The following CLMP variants were observed in gnomAD, a reference collection of about 807,000 sequenced individuals.
The protein encoded by CLMP is CXADR-like membrane protein.
Under a neutral mutation model 45.2 loss-of-function variants are expected in CLMP, and 27 were observed. The ratio of observed to expected loss-of-function variants is 0.60; its 90% confidence interval spans 0.44 to 0.82. CLMP has a LOEUF of 0.82. Among genes scored for constraint, CLMP ranks in the 40% least tolerant of loss-of-function variants. The probability of loss-of-function intolerance (pLI) is 0.00; values close to 1 mark genes in which losing one functional copy is unlikely to be tolerated. For missense variants in CLMP, 403 were observed against 448.4 expected, an observed-to-expected ratio of 0.90 and a Z score of 0.91; for synonymous variants, 167 against 171.4, an observed-to-expected ratio of 0.97 and a Z score of 0.20.
intron 5 of CLMP, among the ~76,000 whole-genome samples, chr11:123,075,533 C>CTT (rs1452182860): frequency 6.6e-6 from 1 of 150,884 alleles, no homozygotes; most frequent in Admixed American, 6.6e-5. Flanking sequence ...ACTACAGACG[C>CTT]CCGCCACCAC....
chr11:123,115,793 A>C (rs971180856), intron 1 of CLMP, among the ~76,000 whole-genome samples: 1 of 152,106 alleles, frequency 6.6e-6, no homozygotes, highest in Non-Finnish European at 1.5e-5. Flanking sequence ...TATATTTTAT[A>C]TTATCTATTG....
intron 1 of CLMP, among the ~76,000 whole-genome samples, chr11:123,122,997 T>C (rs1860838751): frequency 6.6e-6 from 1 of 152,122 alleles, no homozygotes; most frequent in Admixed American, 6.6e-5. Flanking sequence ...AATAACTCGT[T>C]CTTGCACCCT....
intron 5 of CLMP, among the ~76,000 whole-genome samples, 171 bp downstream of exon 5, chr11:123,082,914 T>C (rs1865822498): frequency 1.3e-5 from 2 of 152,128 alleles, no homozygotes; most frequent in Non-Finnish European, 2.9e-5. Flanking sequence ...GCCAGTCAAT[T>C]GTTGAGTGGT....
At chr11:123,163,382 A>G (rs1323439814) in intron 1 of CLMP, among the ~76,000 whole-genome samples, 1 of 152,212 alleles carries the variant, frequency 6.6e-6, no homozygotes, top group Admixed American at 6.5e-5. Context: ...GGCTACAGGT[A>G]GGGAGACCAT....
chr11:123,175,022 C>T (rs35483681), intron 1 of CLMP, among the ~76,000 whole-genome samples: 63,998 of 152,020 alleles, frequency 0.42, 16,559 homozygotes, highest in East Asian at 0.59. Flanking sequence ...GATGCAATCA[C>T]GGTTTGGTGC....
intron 1 of CLMP, among the ~76,000 whole-genome samples, chr11:123,145,452 GTTTTTTTTTTT>G (rs66487810): frequency 3.2e-5 from 2 of 61,808 alleles, no homozygotes; most frequent in African/African-American, 6.9e-5. Flanking sequence ...CTCTGCGGCT[GTTTTTTTTTTT>G]TTTTTTTTTT....
At chr11:123,194,457 C>G (rs1001517305) in intron 1 of CLMP, among the ~76,000 whole-genome samples, 1 of 151,910 alleles carries the variant, frequency 6.6e-6, no homozygotes, top group Non-Finnish European at 1.5e-5. Flanking sequence ...CTTTTTCCCT[C>G]TCCCCTTTCC....
intron 2 of CLMP, among the ~76,000 whole-genome samples, chr11:123,085,601 A>C: frequency 6.6e-6 from 1 of 150,716 alleles, no homozygotes; most frequent in African/African-American, 2.4e-5. Flanking sequence ...AAGATAAAAA[A>C]AAAAAAAAAA....
At chr11:123,123,277 T>TTA (rs1555081907) in intron 1 of CLMP, among the ~76,000 whole-genome samples, 4 of 149,206 alleles carry the variant, frequency 2.7e-5, no homozygotes, top group Non-Finnish European at 4.5e-5. Context: ...TTTTTTTTTT[T>TTA]AAGACAGAGT....
At chr11:123,097,187 C>A (rs945085978) in intron 2 of CLMP, among the ~76,000 whole-genome samples, 1 of 151,708 alleles carries the variant, frequency 6.6e-6, no homozygotes, top group African/African-American at 2.4e-5. Flanking sequence ...CAGGGTCTTG[C>A]TGTATTGCCC....
At chr11:123,127,397 C>T (rs551624462) in intron 1 of CLMP, among the ~76,000 whole-genome samples, 1 of 152,328 alleles carries the variant, frequency 6.6e-6, no homozygotes, top group East Asian at 1.9e-4. Context: ...ACTGGGATTA[C>T]AGGCGTGAGC....
intron 1 of CLMP, among the ~76,000 whole-genome samples, chr11:123,179,608 A>G (rs766537465): frequency 2.6e-5 from 4 of 152,254 alleles, no homozygotes; most frequent in Non-Finnish European, 4.4e-5. Flanking sequence ...CTCTCAAAAC[A>G]AGAACTGTTG....
chr11:123,150,480 AAAGGAAGG>A lies in CLMP; in HGVS notation c.28+44425_28+44432del, dbSNP rs71057397. On this transcript the variant is annotated intron_variant, in intron 1 of 6. Coordinates refer to ENST00000448775, the MANE Select transcript of CLMP (RefSeq NM_024769.5). ...GAAAGAAAGAAAGAAAGAAAGAAAG[AAAGGAAGG>A]AAGGAAGGAAGGAAGGAAGGAAGGA... Among the ~76,000 whole-genome samples, 295 of 40,914 alleles carry A rather than the reference AAAGGAAGG, an allele frequency of 7.2e-3. 8 individuals are homozygous for A. The highest frequency in any genetic ancestry group is 0.019 in the African/African-American group (166 of 8,780). The allele number at this position is 40,914 out of a possible 152,430, so 26.8% of individuals were successfully genotyped here.
At chr11:123,107,062 ATT>A (rs556205898) in intron 1 of CLMP, among the ~76,000 whole-genome samples, 1 of 142,902 alleles carries the variant, frequency 7.0e-6, no homozygotes. Flanking sequence ...TACTTGCTGC[ATT>A]TTTTTTTTTT....
chr11:123,156,379 C>T (rs948751320), intron 1 of CLMP, among the ~76,000 whole-genome samples: 2 of 152,176 alleles, frequency 1.3e-5, no homozygotes, highest in African/African-American at 4.8e-5. Flanking sequence ...TCCTTTAGCC[C>T]CAACCAAGTC....
intron 1 of CLMP, among the ~76,000 whole-genome samples, chr11:123,148,966 G>A (rs1237183335): frequency 1.3e-5 from 2 of 152,198 alleles, no homozygotes; most frequent in East Asian, 1.9e-4. Flanking sequence ...ATATCCTTAC[G>A]GAGCATTCAC....
intron 2 of CLMP, among the ~76,000 whole-genome samples, chr11:123,094,552 A>G (rs746556824): frequency 6.6e-6 from 1 of 152,228 alleles, no homozygotes; most frequent in Non-Finnish European, 1.5e-5. Context: ...TATCAGTATT[A>G]CATTAACAAA....
chr11:123,107,259 C>T (rs935722762), intron 1 of CLMP, among the ~76,000 whole-genome samples: 1 of 150,678 alleles, frequency 6.6e-6, no homozygotes, highest in African/African-American at 2.4e-5. Flanking sequence ...TAGACGGAGT[C>T]TCACTCTGTC....
At chr11:123,102,608 C>T (rs1369785614) in intron 1 of CLMP, among the ~76,000 whole-genome samples, 1 of 141,034 alleles carries the variant, frequency 7.1e-6, no homozygotes, top group Non-Finnish European at 1.5e-5. Context: ...GATAGTCTTG[C>T]TCTGTCACCC....
Sources: gnomAD v4.1 joint callset for allele counts (sites outside exome capture counted in the v4.1 genomes callset) on GRCh38, gnomAD v4.1.1 for gene constraint, MANE v1.5 for transcripts, NCBI Gene and HGNC (gene_info 2026-07-23, HGNC 2026-07-21) for gene names.